NCKAP5: variants seen among roughly 807,000 people sequenced by gnomAD.
NCKAP5 encodes NCK associated protein 5, also known as nck-associated protein 5.
NCKAP5 carries 92 observed loss-of-function variants against 167.0 expected under a neutral mutation model. The observed-to-expected ratio is 0.55, with a 90% CI of 0.47 to 0.66. The LOEUF (loss-of-function observed/expected upper bound fraction) is 0.66. Among genes scored for constraint, NCKAP5 ranks in the 30% least tolerant of loss-of-function variants. The pLI, the probability that NCKAP5 is intolerant of heterozygous loss-of-function variation, is 0.00. For missense variants in NCKAP5, 2,378 were observed against 2,315.0 expected (o/e 1.03, Z -0.56); for synonymous variants, 891 against 877.4 (o/e 1.02, Z -0.27).
intron 11 of NCKAP5, among the ~76,000 whole-genome samples, chr2:132,815,243 G>A (rs1686173827): frequency 6.6e-6 from 1 of 151,632 alleles, no homozygotes; most frequent in Admixed American, 6.6e-5. Flanking sequence ...CCAAAAATGA[G>A]TTCTTATTTT....
intron 1 of NCKAP5, among the ~76,000 whole-genome samples, chr2:133,564,407 T>C (rs1206485038): frequency 1.3e-5 from 2 of 152,216 alleles, no homozygotes; most frequent in Non-Finnish European, 2.9e-5. Flanking sequence ...TTTTCATTTA[T>C]TGAGAACTCA....
chr2:132,689,665 A>T (rs534016689), intron 19 of NCKAP5, among the ~76,000 whole-genome samples: 1 of 152,274 alleles, frequency 6.6e-6, no homozygotes, highest in South Asian at 2.1e-4. Context: ...GTCATCTGTC[A>T]TCCCAAGCAT....
chr2:133,127,908 G>T (rs1374015502), intron 6 of NCKAP5, among the ~76,000 whole-genome samples: 2 of 152,136 alleles, frequency 1.3e-5, no homozygotes, highest in Admixed American at 6.5e-5. Flanking sequence ...ATTGATTGGT[G>T]TATTTCTATA....
intron 11 of NCKAP5, among the ~76,000 whole-genome samples, chr2:132,837,182 TG>T (rs1687951583): frequency 1.3e-5 from 2 of 152,270 alleles, no homozygotes; most frequent in South Asian, 4.1e-4. Flanking sequence ...TCCCCACCCT[TG>T]GGTAGCTTCT....
chr2:132,869,017 CT>C, intron 9 of NCKAP5, 43 bp from the exon 10 acceptor site: 1 of 1,374,374 alleles, frequency 7.3e-7, no homozygotes. Context: ...AATAATGAGA[CT>C]TTATATGCAC....
At chr2:133,581,247 T>G in the NCKAP5 span, among the ~76,000 whole-genome samples, 1 of 152,190 alleles carries the variant, frequency 6.6e-6, no homozygotes, top group East Asian at 1.9e-4. Context: ...GAGTTCCTGG[T>G]GAACAGCATC....
chr2:133,409,527 A>G (rs1273661495), intron 3 of NCKAP5, among the ~76,000 whole-genome samples: 7 of 152,208 alleles, frequency 4.6e-5, no homozygotes, highest in African/African-American at 1.4e-4. Context: ...AACCATGGTG[A>G]ATATCTCTAG....
intron 8 of NCKAP5, among the ~76,000 whole-genome samples, chr2:132,896,208 C>G (rs929904639): frequency 6.6e-6 from 1 of 152,144 alleles, no homozygotes; most frequent in Non-Finnish European, 1.5e-5. Context: ...TCTGAACTTT[C>G]AATTGTTTTG....
chr2:132,698,654 G>A (rs886818178), intron 19 of NCKAP5, among the ~76,000 whole-genome samples: 5 of 152,120 alleles, frequency 3.3e-5, no homozygotes, highest in African/African-American at 1.2e-4. Flanking sequence ...CTAACATGGT[G>A]AAACCCTGTC....
At chr2:132,812,667 T>A (rs1364153469) in intron 11 of NCKAP5, among the ~76,000 whole-genome samples, 1 of 152,198 alleles carries the variant, frequency 6.6e-6, no homozygotes. Flanking sequence ...AGCTAAGAGA[T>A]GTTACTGAGA....
intron 3 of NCKAP5, among the ~76,000 whole-genome samples, chr2:133,509,447 C>G (rs1683293180): frequency 6.6e-6 from 1 of 152,154 alleles, no homozygotes; most frequent in Non-Finnish European, 1.5e-5. Context: ...CAAACAGCAC[C>G]CTGGGCCTGC....
intron 3 of NCKAP5, among the ~76,000 whole-genome samples, chr2:133,382,144 G>T (rs571037128): frequency 1.9e-4 from 29 of 152,292 alleles, no homozygotes; most frequent in African/African-American, 6.7e-4. Flanking sequence ...AAAGCTAAGA[G>T]TCATCCTTGT....
chr2:133,288,634 G>A (rs1007871619), intron 4 of NCKAP5, among the ~76,000 whole-genome samples: 2 of 151,350 alleles, frequency 1.3e-5, no homozygotes, highest in Non-Finnish European at 2.9e-5. Context: ...TTATTCAATA[G>A]AATAATTTCC....
the NCKAP5 span, among the ~76,000 whole-genome samples, chr2:133,594,892 TC>T: frequency 6.6e-6 from 1 of 151,992 alleles, no homozygotes; most frequent in East Asian, 1.9e-4. Context: ...ACACATTCAT[TC>T]ATTCATTCAT....
chr2:132,960,664 G>A (rs2076484465), intron 8 of NCKAP5, among the ~76,000 whole-genome samples: 1 of 152,164 alleles, frequency 6.6e-6, no homozygotes. Flanking sequence ...TAATACAGGG[G>A]TGGCAGCTGG....
At chr2:133,109,419 A>G (rs1011212133) in intron 6 of NCKAP5, among the ~76,000 whole-genome samples, 6 of 152,238 alleles carry the variant, frequency 3.9e-5, no homozygotes, top group Admixed American at 2.6e-4. Flanking sequence ...GCTTTCTTCA[A>G]GAGAGTTATG....
rs117145116 is a variant in NCKAP5, at chr2:132,802,221, T to C, written c.808-5492A>G. On this transcript the variant is annotated intron_variant, in intron 11 of 19. Coordinates refer to ENST00000409261, the MANE Select transcript of NCKAP5 (RefSeq NM_207363.3). ...AGTCTGCTCTAGCCCACTGTCTCTC[T>C]GGGTTCTGCCACACTCTGTCACCTT... Among the ~76,000 whole-genome samples the C allele has an allele frequency of 2.6e-5, 4 of 152,330 alleles. No homozygotes were observed. The East Asian group carries it at 7.7e-4, about 29-fold the overall frequency.
chr2:132,982,808 C>G (rs979871958), intron 7 of NCKAP5, among the ~76,000 whole-genome samples: 3 of 152,180 alleles, frequency 2.0e-5, no homozygotes, highest in Non-Finnish European at 2.9e-5. Flanking sequence ...AGGATAATGG[C>G]TTCCAACTGC....
chr2:133,332,018 C>T (rs1248943091), intron 3 of NCKAP5, among the ~76,000 whole-genome samples: 3 of 151,958 alleles, frequency 2.0e-5, no homozygotes, highest in Non-Finnish European at 2.9e-5. Context: ...GTGTGTCACA[C>T]GTGTGTAGAC....
Sources: allele counts gnomAD v4.1 joint callset (sites outside exome capture counted in the v4.1 genomes callset), GRCh38; gene constraint gnomAD v4.1.1; transcripts MANE v1.5; gene names NCBI Gene and HGNC (gene_info 2026-07-23, HGNC 2026-07-21).